Variants in PRKAA2 observed in about 807,000 individuals in gnomAD.
The protein encoded by PRKAA2 is protein kinase AMP-activated catalytic subunit alpha 2.
Under a neutral mutation model 56.3 loss-of-function variants are expected in PRKAA2, and 40 were observed. That is an observed-to-expected ratio of 0.71 (90% CI 0.55 to 0.92). The LOEUF is 0.92. PRKAA2 is among the 40% of genes least tolerant of loss of function. The pLI, the probability that PRKAA2 is intolerant of heterozygous loss-of-function variation, is 0.00. For synonymous variants in PRKAA2, 214 were observed against 234.2 expected (o/e 0.91, Z 0.79); for missense variants, 542 against 686.9 (o/e 0.79, Z 2.36).
intron 2 of PRKAA2, among the ~76,000 whole-genome samples, chr1:56,682,559 T>A (rs536761721): frequency 6.6e-6 from 1 of 152,070 alleles, no homozygotes; most frequent in Non-Finnish European, 1.5e-5. Context: ...ATTCTAAGAG[T>A]AGATGGGGAC....
At chr1:56,689,925 C>T (rs1016575732) in intron 2 of PRKAA2, among the ~76,000 whole-genome samples, 1 of 151,434 alleles carries the variant, frequency 6.6e-6, no homozygotes, top group Non-Finnish European at 1.5e-5. Flanking sequence ...CACACACACA[C>T]ACACACACAC....
intron 1 of PRKAA2, among the ~76,000 whole-genome samples, chr1:56,667,254 G>GT (rs1202139629): frequency 6.6e-6 from 1 of 151,836 alleles, no homozygotes; most frequent in Non-Finnish European, 1.5e-5. Flanking sequence ...TGCCCCCAGT[G>GT]TTTTTTTCCC....
rs556229818 is a variant in PRKAA2, at chr1:56,679,173, T to C, written c.236+4651T>C. 8.8e-4 allele frequency among the ~76,000 whole-genome samples: 134 copies of C among 152,292 alleles called. 3 individuals carry two copies. The South Asian group carries it at 0.026, about 30-fold the overall frequency. On this transcript the variant is annotated intron_variant, in intron 2 of 8. Coordinates refer to ENST00000371244, the MANE Select transcript of PRKAA2 (RefSeq NM_006252.4). ...ATGGGCCCCGCTTTATCTTCCTGGC[T>C]GTTAAGTATTGATGCAGTCAAGTAC...
intron 1 of PRKAA2, among the ~76,000 whole-genome samples, chr1:56,650,384 A>G (rs1416391658): frequency 2.6e-5 from 4 of 152,264 alleles, no homozygotes; most frequent in South Asian, 2.1e-4. Context: ...CTTTTTATCT[A>G]TTTAAAATTT....
In PRKAA2 at chr1:56,693,756, T is replaced by A; in HGVS notation, c.476-9T>A. 6.5e-7 allele frequency: 1 copy of A among 1,538,768 alleles called. No individual in the cohort carries two copies. Among genetic ancestry groups the A allele is most frequent in the Non-Finnish European group, 8.9e-7 (1 of 1,127,822 alleles). On this transcript the variant is annotated splice_polypyrimidine_tract_variant and intron_variant, in intron 4 of 8. Transcript: ENST00000371244. ...TCTAGCACCAAGTAAACATTACTTTTATTTTTAGGATTATCTAATATGATG... is the reference window on the plus strand; with the variant it reads ...TCTAGCACCAAGTAAACATTACTTTAATTTTTAGGATTATCTAATATGATG...
intron 1 of PRKAA2, among the ~76,000 whole-genome samples, chr1:56,645,858 G>A (rs1646636396): frequency 6.6e-6 from 1 of 152,204 alleles, no homozygotes. Flanking sequence ...CTCTGAGCCT[G>A]TAGGCTTAGG....
At chr1:56,681,716 T>G (rs1041413146) in intron 2 of PRKAA2, among the ~76,000 whole-genome samples, 25 of 152,176 alleles carry the variant, frequency 1.6e-4, no homozygotes, top group African/African-American at 6.0e-4. Context: ...TTGGTCTATA[T>G]CTCTGTTTTG....
intron 8 of PRKAA2, among the ~76,000 whole-genome samples, 172 bp from the exon 9 acceptor site, chr1:56,707,303 T>C (rs1644338112): frequency 6.6e-6 from 1 of 152,220 alleles, no homozygotes; most frequent in African/African-American, 2.4e-5. Flanking sequence ...ATGTTTGTTA[T>C]GATTGTTGGA....
At chr1:56,681,293 C>T (rs1280173372) in intron 2 of PRKAA2, among the ~76,000 whole-genome samples, 1 of 152,072 alleles carries the variant, frequency 6.6e-6, no homozygotes, top group African/African-American at 2.4e-5. Context: ...AAATTTTCTC[C>T]CATTCTGTAG....
intron 2 of PRKAA2, among the ~76,000 whole-genome samples, chr1:56,681,335 T>G (rs967124173): frequency 2.0e-5 from 3 of 152,232 alleles, no homozygotes; most frequent in African/African-American, 7.2e-5. Context: ...TAGTTTCTTT[T>G]GCTGTGCAGA....
chr1:56,687,390 A>C (rs921540238), intron 2 of PRKAA2, among the ~76,000 whole-genome samples: 27 of 152,154 alleles, frequency 1.8e-4, no homozygotes, highest in African/African-American at 6.3e-4. Flanking sequence ...TGAAATATAC[A>C]TATGTAGAGA....
At chr1:56,687,322 T>C (rs753026895) in intron 2 of PRKAA2, among the ~76,000 whole-genome samples, 8 of 152,176 alleles carry the variant, frequency 5.3e-5, no homozygotes, top group Non-Finnish European at 1.2e-4. Flanking sequence ...GCGTGATACC[T>C]GGTTTTTAAA....
chr1:56,695,328 A>ACTAAG (rs1644252445), intron 5 of PRKAA2, among the ~76,000 whole-genome samples: 1 of 151,642 alleles, frequency 6.6e-6, no homozygotes, highest in African/African-American at 2.4e-5. Flanking sequence ...AGTAGCTGGG[A>ACTAAG]CTAAGATGTG....
intron 4 of PRKAA2, among the ~76,000 whole-genome samples, chr1:56,692,730 T>C (rs1644236626): frequency 6.6e-6 from 1 of 151,876 alleles, no homozygotes; most frequent in African/African-American, 2.4e-5. Context: ...AAGGTTGTCA[T>C]CAAGATAAAT....
chr1:56,648,791 G>A (rs180709564), intron 1 of PRKAA2, among the ~76,000 whole-genome samples: 9 of 152,156 alleles, frequency 5.9e-5, no homozygotes, highest in South Asian at 2.1e-4. Flanking sequence ...TTAATTTTGC[G>A]TTTCCCTAAG....
At chr1:56,682,931 TA>T (rs1467682226) in intron 2 of PRKAA2, among the ~76,000 whole-genome samples, 1 of 152,164 alleles carries the variant, frequency 6.6e-6, no homozygotes, top group Non-Finnish European at 1.5e-5. Flanking sequence ...ACAGAGCAGA[TA>T]AAAAACATTT....
chr1:56,684,977 G>T (rs1644181060), intron 2 of PRKAA2, among the ~76,000 whole-genome samples: 1 of 152,196 alleles, frequency 6.6e-6, no homozygotes, highest in Non-Finnish European at 1.5e-5. Flanking sequence ...TAGAAGCCAA[G>T]TCCCTTCGTA....
At chr1:56,684,143 A>C (rs1272499819) in intron 2 of PRKAA2, among the ~76,000 whole-genome samples, 1 of 152,180 alleles carries the variant, frequency 6.6e-6, no homozygotes. Context: ...AAAGAAGTTA[A>C]GGATGACGCC....
At chr1:56,695,782 C>T (rs2100427836) in intron 5 of PRKAA2, among the ~76,000 whole-genome samples, 153 bp from the exon 6 acceptor site, 1 of 152,104 alleles carries the variant, frequency 6.6e-6, no homozygotes, top group East Asian at 1.9e-4. Flanking sequence ...CTTTGGGGAA[C>T]AAACACTGAA....
Sources: allele counts gnomAD v4.1 joint callset (sites outside exome capture counted in the v4.1 genomes callset), GRCh38; gene constraint gnomAD v4.1.1; transcripts MANE v1.5; gene names NCBI Gene and HGNC (gene_info 2026-07-23, HGNC 2026-07-21).